Variants in IL12RB1 observed in about 807,000 individuals in gnomAD.
IL12RB1 encodes the protein interleukin 12 receptor subunit beta 1, also known as interleukin-12 receptor subunit beta-1.
In IL12RB1, 64 loss-of-function variants were observed where a neutral mutation model predicts 94.4. The observed-to-expected ratio is 0.68, with a 90% CI of 0.55 to 0.83. The LOEUF (loss-of-function observed/expected upper bound fraction) is 0.83. Ranked by LOEUF, IL12RB1 falls within the 40% of genes least tolerant of loss-of-function variation. The pLI, the probability that IL12RB1 is intolerant of heterozygous loss-of-function variation, is 0.00. For synonymous variants in IL12RB1, 362 were observed against 355.5 expected (o/e 1.02, Z -0.21); for missense variants, 814 against 855.6 (o/e 0.95, Z 0.61).
chr19:18,097,854 C>CGGAA (rs770779182), intron 1 of IL12RB1: 71 of 1,222,700 alleles, frequency 5.8e-5, no homozygotes, highest in Admixed American at 4.3e-4. Context: ...CGCGGGCGGG[C>CGGAA]GGAAGGCAGA....
At chr19:18,079,115 T>C (rs2035693027) in intron 4 of IL12RB1, among the ~76,000 whole-genome samples, 1 of 151,492 alleles carries the variant, frequency 6.6e-6, no homozygotes, top group African/African-American at 2.4e-5. Context: ...TTTTTTTTTT[T>C]TTTTTTGAGA....
intron 11 of IL12RB1, 28 bp downstream of exon 11, chr19:18,068,361 T>A (rs776953409): frequency 6.4e-7 from 1 of 1,570,064 alleles, no homozygotes; most frequent in Non-Finnish European, 8.7e-7. Flanking sequence ...GAAAAAATAA[T>A]GTAAACCTGC....
At chr19:18,070,508 C>G (rs1437772238) in intron 9 of IL12RB1, 1 of 984,824 alleles carries the variant, frequency 1.0e-6, no homozygotes, top group Non-Finnish European at 1.2e-6. Context: ...CTCCCACTCC[C>G]TCCCGCCAGG....
At chr19:18,095,477 A>T (rs557385432) in intron 1 of IL12RB1, among the ~76,000 whole-genome samples, 11 of 152,276 alleles carry the variant, frequency 7.2e-5, no homozygotes, top group African/African-American at 2.4e-4. Context: ...GCACAGGAAA[A>T]TTCATAGAAC....
chr19:18,063,085 T>A (rs2034293456), intron 13 of IL12RB1, among the ~76,000 whole-genome samples: 1 of 34,082 alleles, frequency 2.9e-5, no homozygotes, highest in African/African-American at 7.0e-5. Flanking sequence ...TCTATTTTTT[T>A]TTTTTTTTTT....
At chr19:18,083,174 G>T in intron 2 of IL12RB1, 1 of 590,020 alleles carries the variant, frequency 1.7e-6, no homozygotes, top group Non-Finnish European at 3.0e-6. Context: ...CCCATGTACC[G>T]ACCAATCTGA....
chr19:18,070,678 C>T (rs147333181), intron 9 of IL12RB1: 10 of 250,684 alleles, frequency 4.0e-5, no homozygotes, highest in African/African-American at 2.3e-4. Flanking sequence ...GTGGCTCACG[C>T]CTGTAATCCT....
chr19:18,088,221 A>G (rs954923326), upstream of IL12RB1, among the ~76,000 whole-genome samples: 1 of 151,954 alleles, frequency 6.6e-6, no homozygotes, highest in African/African-American at 2.4e-5. Context: ...CCCTGTCTCT[A>G]CTGAAAATAC....
chr19:18,093,838 G>A (rs1045998262), intron 1 of IL12RB1, among the ~76,000 whole-genome samples: 1 of 152,108 alleles, frequency 6.6e-6, no homozygotes, highest in Admixed American at 6.6e-5. Context: ...CTTAGTGTAG[G>A]ACTGCCAGAT....
chr19:18,078,584 A>G (rs12609078), intron 4 of IL12RB1, among the ~76,000 whole-genome samples: 3 of 151,346 alleles, frequency 2.0e-5, no homozygotes, highest in African/African-American at 7.3e-5. Context: ...CTGGTAAGCA[A>G]TTTACAAAAG....
chr19:18,077,853 C>T (rs1050882405), intron 4 of IL12RB1, among the ~76,000 whole-genome samples, 198 bp from the exon 5 acceptor site: 2 of 152,186 alleles, frequency 1.3e-5, no homozygotes, highest in African/African-American at 2.4e-5. Context: ...GTGGCTCACC[C>T]TGTAATTCCA....
In IL12RB1 at chr19:18,074,984, G is replaced by A. The variant is rs557689413; in HGVS notation, c.700+765C>T. 6.6e-5 allele frequency among the ~76,000 whole-genome samples: 10 copies of A among 151,816 alleles called. No individual in the cohort carries two copies. In the East Asian group the frequency reaches 1.8e-3, roughly 27 times the overall value. On this transcript the variant is annotated intron_variant, in intron 7 of 16. Coordinates refer to ENST00000593993, the MANE Select transcript of IL12RB1 (RefSeq NM_005535.3). ...GGACAATGGCGTGAACCCGGGAGGCGGAGCTTGCAGTGAGCCGAGATGGCG... is the reference window on the plus strand; with the variant it reads ...GGACAATGGCGTGAACCCGGGAGGCAGAGCTTGCAGTGAGCCGAGATGGCG...
In IL12RB1 at chr19:18,060,073, TC is replaced by T; in HGVS notation, c.1803del (p.Trp601Ter). 6.3e-7 allele frequency: 1 copy of T among 1,595,752 alleles called. No individual in the cohort carries two copies. Among genetic ancestry groups the T allele is most frequent in the Non-Finnish European group, 8.6e-7 (1 of 1,165,066 alleles). Reference sequence around the variant, plus strand: ...TCTTCCTGGAAGTCCACTGGGTTGATCCACTGCCAAGTCTGCAGAGGGAGGG... The same window carrying T: ...TCTTCCTGGAAGTCCACTGGGTTGATCACTGCCAAGTCTGCAGAGGGAGGG... ...EFPGGKETWQ[W>X]INPVDFQEEA... On this transcript the variant is annotated frameshift_variant, in exon 16 of 17. Coordinates refer to ENST00000593993, the MANE Select transcript of IL12RB1 (RefSeq NM_005535.3). LOFTEE classifies it high-confidence loss of function.
intron 1 of IL12RB1, chr19:18,097,937 A>G: frequency 2.2e-6 from 2 of 893,764 alleles, no homozygotes; most frequent in Non-Finnish European, 2.9e-6. Flanking sequence ...AGGGAAACTG[A>G]GGCAGAGGGT....
At chr19:18,088,121 C>A (rs2036455427), upstream of IL12RB1, among the ~76,000 whole-genome samples, 2 of 152,026 alleles carry the variant, frequency 1.3e-5, no homozygotes, top group Admixed American at 6.6e-5. Flanking sequence ...GGCGCGGTGG[C>A]TCACGCCTGT....
chr19:18,065,346 G>A (rs1232091939), intron 12 of IL12RB1, among the ~76,000 whole-genome samples: 1 of 152,100 alleles, frequency 6.6e-6, no homozygotes, highest in Non-Finnish European at 1.5e-5. Flanking sequence ...TACATGTGAG[G>A]GGCAGCTTCC....
intron 1 of IL12RB1, among the ~76,000 whole-genome samples, chr19:18,096,548 C>G (rs1325471891): frequency 6.6e-6 from 1 of 151,950 alleles, no homozygotes; most frequent in Non-Finnish European, 1.5e-5. Context: ...AGTGTTTTGG[C>G]CAGGCAAAAC....
intron 5 of IL12RB1, among the ~76,000 whole-genome samples, chr19:18,077,017 T>C (rs1275254888): frequency 6.6e-6 from 1 of 152,058 alleles, no homozygotes; most frequent in Non-Finnish European, 1.5e-5. Context: ...GTTTATATAG[T>C]AACTTTTCTG....
intron 1 of IL12RB1, 66 bp downstream of exon 1, chr19:18,086,694 C>T (rs2146502637): frequency 6.6e-7 from 1 of 1,507,880 alleles, no homozygotes; most frequent in East Asian, 2.4e-5. Context: ...AGGCCCACAG[C>T]TCTCCACACA....
Sources: gnomAD v4.1 joint callset for allele counts (sites outside exome capture counted in the v4.1 genomes callset) on GRCh38, gnomAD v4.1.1 for gene constraint, MANE v1.5 for transcripts, NCBI Gene and HGNC (gene_info 2026-07-23, HGNC 2026-07-21) for gene names.